ADCYAP1R1: variants seen among roughly 807,000 people sequenced by gnomAD.
ADCYAP1R1 encodes ADCYAP receptor type I.
In ADCYAP1R1, 44 loss-of-function variants were observed where a neutral mutation model predicts 67.6. That is an observed-to-expected ratio of 0.65 (90% CI 0.51 to 0.84). The LOEUF (loss-of-function observed/expected upper bound fraction) is 0.84, where lower values mean the gene tolerates loss of function less well. ADCYAP1R1 is among the 40% of genes least tolerant of loss of function. ADCYAP1R1 has a pLI of 0.00. For synonymous variants in ADCYAP1R1, 222 were observed against 219.6 expected, an observed-to-expected ratio of 1.01 and a Z score of -0.10; for missense variants, 477 against 587.9, an observed-to-expected ratio of 0.81 and a Z score of 1.95.
chr7:31,108,043 C>T lies in ADCYAP1R1; in HGVS notation c.*1359C>T, dbSNP rs1484498700. 2.0e-5 allele frequency: 3 copies of T among 152,238 alleles called. No individual in the cohort carries two copies. The highest frequency in any genetic ancestry group is 1.3e-4 in the Admixed American group (2 of 15,290). The allele number at this position is 152,238 out of a possible 1,614,324, so 9.4% of individuals were successfully genotyped here. A position where few individuals can be genotyped will look rare whatever the true frequency, so the allele number is the denominator to read the frequency against. On this transcript the variant is annotated 3_prime_UTR_variant, in exon 16 of 16. Coordinates refer to ENST00000304166, the MANE Select transcript of ADCYAP1R1 (RefSeq NM_001118.5). ...GAGGAAAGTGCTAGAGTACATGGTC[C>T]GTGTGTGGCCTAGCTCATTCCATGT...
At chr7:31,072,619 G>A (rs1795037344) in intron 3 of ADCYAP1R1, among the ~76,000 whole-genome samples, 1 of 151,990 alleles carries the variant, frequency 6.6e-6, no homozygotes, top group African/African-American at 2.4e-5. Flanking sequence ...GTCTGCTATT[G>A]GACTATATGA....
intron 1 of ADCYAP1R1, among the ~76,000 whole-genome samples, chr7:31,056,656 G>A (rs761365451): frequency 4.6e-5 from 7 of 151,920 alleles, no homozygotes; most frequent in Admixed American, 1.3e-4. Context: ...CCCTAGATCC[G>A]GGAAAGGGCC....
chr7:31,066,472 G>A (rs1285289963), intron 3 of ADCYAP1R1, among the ~76,000 whole-genome samples: 1 of 152,156 alleles, frequency 6.6e-6, no homozygotes, highest in Non-Finnish European at 1.5e-5. Flanking sequence ...TGGATGCCAG[G>A]CTGGAAATAC....
At chr7:31,106,438 G>T (rs1363073383) in intron 15 of ADCYAP1R1, 58 bp from the exon 16 acceptor site, 2 of 1,553,872 alleles carry the variant, frequency 1.3e-6, no homozygotes, top group Non-Finnish European at 8.7e-7. Context: ...CCAGGACAGG[G>T]CCTGGAGGCT....
rs1795805915 is a variant in ADCYAP1R1, at chr7:31,087,645, C to T, written c.903C>T (p.Asp301=). 2 of 1,613,932 alleles carry T rather than the reference C, an allele frequency of 1.2e-6. No individual in the cohort carries two copies. Among genetic ancestry groups the T allele is most frequent in the Non-Finnish European group, 8.5e-7 (1 of 1,179,954 alleles). The change falls in exon 12 of 16, where the codon GAC becomes GAT. Residue 301 remains aspartate, a synonymous_variant. Coordinates refer to ENST00000304166, the MANE Select transcript of ADCYAP1R1 (RefSeq NM_001118.5). ...FDDTGCWDMN[D]STALWWVIKG... is the part of the protein sequence containing the mutation. ...CTTTCAGCTGCTGGGATATGAATGA[C>T]AGCACAGCTCTGTGGTGGGTGATCA...
chr7:31,086,244 C>A lies in ADCYAP1R1; in HGVS notation c.670-140C>A. Reference sequence around the variant, plus strand: ...TCATGGGATGCTGCAATTTTCAACTCTTTGATCCAGGAATATTGACTCTCT... The same window carrying A: ...TCATGGGATGCTGCAATTTTCAACTATTTGATCCAGGAATATTGACTCTCT... On this transcript the variant is annotated intron_variant, in intron 9 of 15. Transcript: ENST00000304166. This position sits in a 1 kb window ranked among gnomAD's most constrained non-coding sequence, Gnocchi z 5.0. 1.1e-6 allele frequency: 1 copy of A among 951,206 alleles called. No individual in the cohort carries two copies. The highest frequency in any genetic ancestry group is 1.5e-6 in the Non-Finnish European group (1 of 654,584). 58.9% of individuals were successfully genotyped at this position (951,206 alleles called of 1,614,324 possible).
At chr7:31,094,146 GT>G (rs939148768) in intron 13 of ADCYAP1R1, among the ~76,000 whole-genome samples, 1 of 152,046 alleles carries the variant, frequency 6.6e-6, no homozygotes, top group African/African-American at 2.4e-5. Context: ...TCCATTTACT[GT>G]TTTTTCTTTC....
intron 12 of ADCYAP1R1, among the ~76,000 whole-genome samples, chr7:31,090,823 T>C (rs1284458153): frequency 8.5e-5 from 13 of 152,248 alleles, no homozygotes; most frequent in Admixed American, 8.5e-4. Context: ...CCACTATCGA[T>C]GGGCACCTAT....
At chr7:31,095,744 C>T (rs529619090) in intron 13 of ADCYAP1R1, 2 of 718,002 alleles carry the variant, frequency 2.8e-6, no homozygotes, top group African/African-American at 1.7e-5. Context: ...CATTCACTCC[C>T]TTTCCTGTAG....
At chr7:31,078,860 G>A (rs920666398) in intron 4 of ADCYAP1R1, among the ~76,000 whole-genome samples, 1 of 152,206 alleles carries the variant, frequency 6.6e-6, no homozygotes, top group African/African-American at 2.4e-5. Flanking sequence ...GCTTGGAGGC[G>A]CGGGTGTGCG....
rs1277580635 is a variant in ADCYAP1R1 at position 31,109,120 on chromosome 7, C to T, written c.*2436C>T. On this transcript the variant is annotated 3_prime_UTR_variant, in exon 16 of 16. Transcript: ENST00000304166. Reference sequence around the variant, plus strand: ...CAGTAAAAACAAAATCAACCCTGAACCCCATGCACTGTGCTGCTTCCTGAG... The same window carrying T: ...CAGTAAAAACAAAATCAACCCTGAATCCCATGCACTGTGCTGCTTCCTGAG... The T allele has an allele frequency of 2.0e-5, 3 of 152,228 alleles. No homozygotes were observed. In the East Asian group the frequency reaches 5.8e-4, roughly 29 times the overall value. 9.4% of individuals were successfully genotyped at this position (152,228 alleles called of 1,614,324 possible).
chr7:31,069,076 G>A (rs923858758), intron 3 of ADCYAP1R1, among the ~76,000 whole-genome samples: 2 of 152,026 alleles, frequency 1.3e-5, no homozygotes, highest in South Asian at 2.1e-4. Flanking sequence ...GGGTTGGGGG[G>A]GTCCATGCAG....
rs1387674575 is a variant in ADCYAP1R1 at position 31,110,862 on chromosome 7, T to C, written c.*4178T>C. The stretch of plus-strand genomic sequence containing the variant: ...ATGAGACGGCTTGTGTGTGAAAAGA[T>C]TTTGGAAATTACACAGATGTGGGCT... On this transcript the variant is annotated 3_prime_UTR_variant, in exon 16 of 16. Transcript: ENST00000304166. 1 of 152,154 alleles carries C rather than the reference T, an allele frequency of 6.6e-6. No homozygotes were observed. Among genetic ancestry groups the C allele is most frequent in the African/African-American group, 2.4e-5 (1 of 41,408 alleles). The allele number at this position is 152,154 out of a possible 1,614,324, so 9.4% of individuals were successfully genotyped here.
In ADCYAP1R1 at chr7:31,078,007, G is replaced by A. The variant is rs1476693224; in HGVS notation, c.174G>A (p.Trp58Ter). The change falls in exon 4 of 16, where the codon TGG (tryptophan) becomes TGA (stop). Residue 58 changes from tryptophan (W) to a stop codon, truncating the protein, a stop_gained. Transcript: ENST00000304166. LOFTEE classifies it high-confidence loss of function. ...NDSSPGCPGM[W>*]DNITCWKPAH... Reference sequence around the variant, plus strand: ...TACCCACAGGCTGTCCTGGGATGTGGGACAACATCACGTGTTGGAAGCCCG... The same window carrying A: ...TACCCACAGGCTGTCCTGGGATGTGAGACAACATCACGTGTTGGAAGCCCG... 3 of 1,611,324 alleles carry A rather than the reference G, an allele frequency of 1.9e-6. No individual in the cohort carries two copies. The highest frequency in any genetic ancestry group is 1.7e-6 in the Non-Finnish European group (2 of 1,178,558).
intron 1 of ADCYAP1R1, among the ~76,000 whole-genome samples, chr7:31,053,170 G>T (rs974614232): frequency 6.6e-6 from 1 of 152,194 alleles, no homozygotes; most frequent in Non-Finnish European, 1.5e-5. Context: ...TTGAGGGGTG[G>T]GCAAGCAATG....
chr7:31,055,751 A>G lies in ADCYAP1R1; in HGVS notation c.-72+3073A>G, dbSNP rs112257964. 5.8e-4 allele frequency among the ~76,000 whole-genome samples: 89 copies of G among 152,350 alleles called. 1 individual carries two copies. The highest frequency in any genetic ancestry group is 1.9e-3 in the African/African-American group (81 of 41,586). ...TAAATAAATGGTCAGAGAGGTTGAC[A>G]AAGGGAGGGGCTTAGCTCTGATAGC... is the stretch of plus-strand genomic sequence containing the variant. On this transcript the variant is annotated intron_variant, in intron 1 of 15. Transcript: ENST00000304166.
intron 13 of ADCYAP1R1, chr7:31,095,581 C>T (rs2128635743): frequency 2.8e-6 from 2 of 713,342 alleles, no homozygotes; most frequent in East Asian, 5.4e-5. Context: ...CCAGAGTCCC[C>T]TGGGGTACCA....
At chr7:31,087,555 G>A in intron 11 of ADCYAP1R1, 72 bp from the exon 12 acceptor site, 1 of 1,390,176 alleles carries the variant, frequency 7.2e-7, no homozygotes, top group Non-Finnish European at 1.0e-6. Flanking sequence ...CAGCTAGGCA[G>A]GGCAGTGTCC....
At position 31,084,221 on chromosome 7, in the gene ADCYAP1R1, G is replaced by A. The variant is rs1393057366; in HGVS notation, c.409G>A (p.Asp137Asn). ...FPHYFDACGF[D>N]EYESETGDQD... ...TCATTACTTTGATGCCTGTGGGTTTGATGAATATGAATCTGAGACTGGGGA... is the reference window on the plus strand; with the variant it reads ...TCATTACTTTGATGCCTGTGGGTTTAATGAATATGAATCTGAGACTGGGGA... The change falls in exon 7 of 16, where the codon GAT (aspartate) becomes AAT (asparagine). Residue 137 changes from aspartate to asparagine, a missense_variant. Physicochemically the swap from Asp to Asn is conservative, Grantham distance 23. Coordinates refer to ENST00000304166, the MANE Select transcript of ADCYAP1R1 (RefSeq NM_001118.5). 1.9e-6 allele frequency: 3 copies of A among 1,614,020 alleles called. No individual in the cohort carries two copies. The highest frequency in any genetic ancestry group is 8.5e-7 in the Non-Finnish European group (1 of 1,180,038).
Sources: allele counts gnomAD v4.1 joint callset (sites outside exome capture counted in the v4.1 genomes callset), GRCh38; gene constraint gnomAD v4.1.1; non-coding constraint Gnocchi (gnomAD v3.1); transcripts MANE v1.5; gene names NCBI Gene and HGNC (gene_info 2026-07-23, HGNC 2026-07-21).